Variants in DENND2B observed in about 807,000 individuals in gnomAD.
DENND2B encodes DENN domain containing 2B, also known as DENN domain-containing protein 2B.
A neutral mutation model predicts 116.0 loss-of-function variants in DENND2B; 32 were observed. That is an observed-to-expected ratio of 0.28 (90% CI 0.21 to 0.37). The LOEUF (loss-of-function observed/expected upper bound fraction) is 0.37. Ranked by LOEUF, DENND2B falls within the 10% of genes least tolerant of loss-of-function variation. The probability of loss-of-function intolerance (pLI) is 1.00; values close to 1 mark genes in which losing one functional copy is unlikely to be tolerated. For synonymous variants in DENND2B, 588 were observed against 583.9 expected (o/e 1.01, Z -0.10); for missense variants, 1,276 against 1,477.7 (o/e 0.86, Z 2.24).
intron 4 of DENND2B, among the ~76,000 whole-genome samples, chr11:8,827,238 C>T (rs35503692): frequency 0.22 from 33,172 of 152,122 alleles, 4,090 homozygotes; most frequent in Middle Eastern, 0.39. Flanking sequence ...GAGCTGTGAA[C>T]GACTGAGAGG....
intron 2 of DENND2B, among the ~76,000 whole-genome samples, chr11:8,734,677 G>C (rs894659541): frequency 6.6e-6 from 1 of 151,284 alleles, no homozygotes; most frequent in African/African-American, 2.4e-5. Flanking sequence ...TAATTGCAGT[G>C]ACTCGGGAGG....
chr11:8,835,706 T>C (rs1038941253), intron 4 of DENND2B: 1 of 152,162 alleles, frequency 6.6e-6, no homozygotes, highest in Non-Finnish European at 1.5e-5. Flanking sequence ...CTGGATATTA[T>C]GTGACAGATA....
intron 2 of DENND2B, 37 bp downstream of exon 2, chr11:8,750,584 C>T: frequency 6.3e-7 from 1 of 1,577,650 alleles, no homozygotes; most frequent in Non-Finnish European, 8.7e-7. Flanking sequence ...GACCTAGGTC[C>T]CTTGATGCCA....
chr11:8,702,180 T>G lies in DENND2B; in HGVS notation c.2720+392A>C, dbSNP rs2041829302. ...TTGCCCCTTCCTCACAGCAGCTCTT[T>G]CCTCAAACTCAGCATCCCATTGAGA... On this transcript the variant is annotated intron_variant, in intron 14 of 19. Coordinates refer to ENST00000313726, the MANE Select transcript of DENND2B (RefSeq NM_213618.2). This position sits in a 1 kb window ranked among gnomAD's most constrained non-coding sequence, Gnocchi z 4.6. 6.6e-6 allele frequency among the ~76,000 whole-genome samples: 1 copy of G among 152,126 alleles called. No homozygotes were observed. The highest frequency in any genetic ancestry group is 2.1e-4 in the South Asian group (1 of 4,822).
upstream of DENND2B, among the ~76,000 whole-genome samples, chr11:8,814,826 C>T (rs538670565): frequency 1.3e-5 from 2 of 152,240 alleles, no homozygotes; most frequent in Non-Finnish European, 2.9e-5. Flanking sequence ...CATAAAACCC[C>T]ATTTCTTCCT....
intron 11 of DENND2B, among the ~76,000 whole-genome samples, chr11:8,709,548 C>T (rs1418542193): frequency 6.6e-6 from 1 of 152,192 alleles, no homozygotes; most frequent in Non-Finnish European, 1.5e-5. Context: ...CTCTGCCTGG[C>T]TCACCACCTG....
chr11:8,803,309 C>T (rs551439736), intron 1 of DENND2B, among the ~76,000 whole-genome samples: 28 of 152,288 alleles, frequency 1.8e-4, no homozygotes, highest in Middle Eastern at 6.8e-3. Context: ...CGCTAGAACC[C>T]GGGAGGTGGA....
At chr11:8,756,224 T>C (rs2053584758) in intron 1 of DENND2B, among the ~76,000 whole-genome samples, 1 of 152,182 alleles carries the variant, frequency 6.6e-6, no homozygotes, top group African/African-American at 2.4e-5. Context: ...ATGAAAAACA[T>C]ATTCTTTCTT....
intron 1 of DENND2B, among the ~76,000 whole-genome samples, chr11:8,790,360 T>G (rs952666682): frequency 5.9e-5 from 9 of 152,198 alleles, no homozygotes; most frequent in Admixed American, 2.0e-4. Context: ...ATTAAACTAT[T>G]AAGTTCCAAG....
intron 14 of DENND2B, chr11:8,700,158 G>C: frequency 2.7e-6 from 1 of 370,466 alleles, no homozygotes; most frequent in South Asian, 2.0e-5. Context: ...CTCTCTTAGG[G>C]GCCACTAAGG....
intron 1 of DENND2B, among the ~76,000 whole-genome samples, chr11:8,770,684 T>C (rs2056701792): frequency 6.6e-6 from 1 of 152,172 alleles, no homozygotes; most frequent in Non-Finnish European, 1.5e-5. Flanking sequence ...TTTTCTTTTT[T>C]CTAATTTATT....
intron 1 of DENND2B, among the ~76,000 whole-genome samples, chr11:8,800,032 T>C (rs371710330): frequency 6.6e-6 from 1 of 151,694 alleles, no homozygotes; most frequent in African/African-American, 2.4e-5. Flanking sequence ...TAGCTCACTA[T>C]AACCCTGAAC....
intron 1 of DENND2B, among the ~76,000 whole-genome samples, chr11:8,792,555 G>A (rs1256156654): frequency 6.6e-6 from 1 of 152,182 alleles, no homozygotes; most frequent in Non-Finnish European, 1.5e-5. Context: ...AATGCCGTAT[G>A]TATGTAAAAG....
intron 2 of DENND2B, among the ~76,000 whole-genome samples, chr11:8,739,490 T>C (rs1430176280): frequency 6.6e-6 from 1 of 152,212 alleles, no homozygotes; most frequent in Admixed American, 6.5e-5. Flanking sequence ...AATCATTCCA[T>C]AAAGGTAAAA....
chr11:8,908,918 G>A (rs1046515527), intron 1 of DENND2B, among the ~76,000 whole-genome samples: 1 of 152,026 alleles, frequency 6.6e-6, no homozygotes, highest in African/African-American at 2.4e-5. Flanking sequence ...TATCTTTGCC[G>A]GGCACTGTGC....
Position 8,702,830 on chromosome 11 carries a change from A to C in DENND2B, c.2572-110T>G. ...TTCCCCTTCCAACCTGCTCTTTTCC[A>C]GGTCTCTCGTCTACCCTGCTATGCA... On this transcript the variant is annotated intron_variant, in intron 13 of 19. Transcript: ENST00000313726. The surrounding 1 kb of genome is among the most constrained non-coding windows in gnomAD (Gnocchi z 4.6). 2 of 1,382,536 alleles carry C rather than the reference A, an allele frequency of 1.4e-6. No homozygotes were observed. Among genetic ancestry groups the C allele is most frequent in the Non-Finnish European group, 2.0e-6 (2 of 1,015,114 alleles). 85.6% of individuals were successfully genotyped at this position (1,382,536 alleles called of 1,614,324 possible).
chr11:8,723,292 A>G (rs2046506961), intron 4 of DENND2B, among the ~76,000 whole-genome samples: 1 of 152,122 alleles, frequency 6.6e-6, no homozygotes, highest in African/African-American at 2.4e-5. Context: ...TCCTGTGGGG[A>G]TACGTTCTTG....
rs147761184 is a variant in DENND2B, at chr11:8,746,314, GC to G, written c.80+4306del. Among the ~76,000 whole-genome samples, 1,277 of 152,304 alleles carry G rather than the reference GC, an allele frequency of 8.4e-3. 8 individuals are homozygous for G. The highest frequency in any genetic ancestry group is 0.017 in the Middle Eastern group (5 of 294). On this transcript the variant is annotated intron_variant, in intron 2 of 19. Coordinates refer to ENST00000313726, the MANE Select transcript of DENND2B (RefSeq NM_213618.2). ...GTATCACAAACTGAGGCCACCCTCT[GC>G]ATAAAAACCTGCAAATATGAGTTGA...
chr11:8,852,621 G>A (rs1456079677), intron 3 of DENND2B, among the ~76,000 whole-genome samples: 1 of 152,186 alleles, frequency 6.6e-6, no homozygotes, highest in Admixed American at 6.5e-5. Context: ...CGGAGTGGTA[G>A]TTATAACAAT....
Sources: allele counts gnomAD v4.1 joint callset (sites outside exome capture counted in the v4.1 genomes callset), GRCh38; gene constraint gnomAD v4.1.1; non-coding constraint Gnocchi (gnomAD v3.1); transcripts MANE v1.5; gene names NCBI Gene and HGNC (gene_info 2026-07-23, HGNC 2026-07-21).